The following MTNAP1 variants were observed in gnomAD, a reference collection of about 807,000 sequenced individuals.
MTNAP1 encodes mitochondrial nucleoid associated protein 1, also known as mitochondrial nucleoid-associated protein 1.
At chr17:73,235,451 A>G in the MTNAP1 span, 10 of 1,552,628 alleles carry the variant, frequency 6.4e-6, no homozygotes, top group South Asian at 1.2e-5. Flanking sequence ...TGTGCTTCTC[A>G]TAATCTCACA....
At chr17:73,232,518 A>C in the MTNAP1 span, 1 of 478,794 alleles carries the variant, frequency 2.1e-6, no homozygotes, top group Non-Finnish European at 3.7e-6. Context: ...GCCAGGTTTC[A>C]AATAAATTCA....
the MTNAP1 span, chr17:73,242,407 GT>G: frequency 8.1e-7 from 1 of 1,233,572 alleles, no homozygotes; most frequent in Non-Finnish European, 1.1e-6. Context: ...ATTTGGAAAA[GT>G]TTCTCTTCGG....
chr17:73,236,669 G>T, the MTNAP1 span: 1 of 1,614,110 alleles, frequency 6.2e-7, no homozygotes. Context: ...AATCATCATT[G>T]TGTCCCTGAT....
At chr17:73,243,027 C>T in the MTNAP1 span, 1 of 1,569,206 alleles carries the variant, frequency 6.4e-7, no homozygotes, top group South Asian at 1.1e-5. Flanking sequence ...TATTTCTAGC[C>T]TAAATAACAG....
At chr17:73,248,712 C>G in the MTNAP1 span, 1 of 674,792 alleles carries the variant, frequency 1.5e-6, no homozygotes. Context: ...GCCTGAATAC[C>G]CCGGCTGTAA....
At chr17:73,241,640 G>A in the MTNAP1 span, among the ~76,000 whole-genome samples, 2 of 152,130 alleles carry the variant, frequency 1.3e-5, no homozygotes, top group African/African-American at 4.8e-5. Flanking sequence ...GATAGAATAT[G>A]TAAAAGAGGC....
the MTNAP1 span, chr17:73,244,826 G>T: frequency 2.5e-5 from 5 of 198,684 alleles, no homozygotes; most frequent in African/African-American, 1.2e-4. Context: ...TGCTGGCTGG[G>T]ATGGCCTCGC....
At chr17:73,242,157 C>A in the MTNAP1 span, 1 of 803,626 alleles carries the variant, frequency 1.2e-6, no homozygotes, top group Non-Finnish European at 2.0e-6. Context: ...CTTCCTGAGG[C>A]TTAGCCGTGG....
chr17:73,237,827 T>G, the MTNAP1 span, among the ~76,000 whole-genome samples: 1 of 152,028 alleles, frequency 6.6e-6, no homozygotes, highest in Non-Finnish European at 1.5e-5. Context: ...ACTAGCCAGG[T>G]AAGACGGGCA....
At chr17:73,246,605 T>C in the MTNAP1 span, among the ~76,000 whole-genome samples, 1 of 152,226 alleles carries the variant, frequency 6.6e-6, no homozygotes, top group Admixed American at 6.5e-5. Flanking sequence ...TTTCTCTCTC[T>C]TCTCAAAGCT....
At chr17:73,247,949 A>C in the MTNAP1 span, 3 of 154,308 alleles carry the variant, frequency 1.9e-5, no homozygotes, top group Non-Finnish European at 2.9e-5. Flanking sequence ...TTGGGAAAAT[A>C]ATTGAAGATG....
At chr17:73,244,882 G>A in the MTNAP1 span, among the ~76,000 whole-genome samples, 1 of 151,914 alleles carries the variant, frequency 6.6e-6, no homozygotes, top group Non-Finnish European at 1.5e-5. Context: ...AGGAAAAGAA[G>A]TGCCTTTCTG....
At chr17:73,242,878 G>A in the MTNAP1 span, 15 of 1,600,616 alleles carry the variant, frequency 9.4e-6, no homozygotes, top group South Asian at 2.3e-5. Flanking sequence ...ACAACAAGCC[G>A]TGTTTCCTTT....
the MTNAP1 span, among the ~76,000 whole-genome samples, chr17:73,233,699 A>G: frequency 6.6e-6 from 1 of 152,214 alleles, no homozygotes; most frequent in Non-Finnish European, 1.5e-5. Context: ...CCCCGTCTCT[A>G]CTAAAAATAC....
chr17:73,245,423 C>G, the MTNAP1 span: 1 of 1,195,890 alleles, frequency 8.4e-7, no homozygotes, highest in Middle Eastern at 3.2e-4. Context: ...CTCTCAGGAG[C>G]AACTGAGAAT....
chr17:73,245,859 C>G, the MTNAP1 span: 45 of 418,860 alleles, frequency 1.1e-4, no homozygotes, highest in African/African-American at 8.4e-4. Context: ...TGTATCATCT[C>G]TTCCTGGAAA....
the MTNAP1 span, chr17:73,242,987 G>C: frequency 6.2e-7 from 1 of 1,613,556 alleles, no homozygotes; most frequent in Non-Finnish European, 8.5e-7. Context: ...GTTGTAGCTG[G>C]AGTTTCAGAC....
At chr17:73,242,243 GTTTC>G in the MTNAP1 span, 37 of 1,573,472 alleles carry the variant, frequency 2.4e-5, no homozygotes, top group East Asian at 8.4e-4. Flanking sequence ...TGGAACCATA[GTTTC>G]TTTGTTGGAA....
chr17:73,242,057 A>G, the MTNAP1 span, among the ~76,000 whole-genome samples: 7 of 152,192 alleles, frequency 4.6e-5, no homozygotes, highest in African/African-American at 1.7e-4. Flanking sequence ...CCTTTTGAAA[A>G]ACATTTTTTC....
Sources: gnomAD v4.1 joint callset for allele counts (sites outside exome capture counted in the v4.1 genomes callset) on GRCh38, gnomAD v4.1.1 for gene constraint, MANE v1.5 for transcripts, NCBI Gene and HGNC (gene_info 2026-07-23, HGNC 2026-07-21) for gene names.